HORMAD2: variants seen among roughly 807,000 people sequenced by gnomAD.
HORMAD2 encodes the protein HORMA domain containing 2, also known as HORMA domain-containing protein 2.
Under a neutral mutation model 38.8 loss-of-function variants are expected in HORMAD2, and 45 were observed. The ratio of observed to expected loss-of-function variants is 1.16; its 90% CI spans 0.91 to 1.49. The LOEUF is 1.49. HORMAD2 is among the 40% of genes most tolerant of loss of function. The pLI, the probability that HORMAD2 is intolerant of heterozygous loss-of-function variation, is 0.00. For missense variants in HORMAD2, 338 were observed against 367.0 expected (o/e 0.92, Z 0.65); for synonymous variants, 126 against 122.8 (o/e 1.03, Z -0.17).
chr22:30,115,515 A>G (rs940332644), intron 7 of HORMAD2, among the ~76,000 whole-genome samples: 1 of 152,122 alleles, frequency 6.6e-6, no homozygotes, highest in African/African-American at 2.4e-5. Context: ...TCGTTGTAGG[A>G]TGAAATCCTA....
In HORMAD2 at chr22:30,122,294, C is replaced by T. The variant is rs930574012; in HGVS notation, c.819+80C>T. On this transcript the variant is annotated intron_variant, in intron 10 of 10. Transcript: ENST00000336726. ...TTTCAGTTTCTACCCAGGGCATGCA[C>T]GTGGAGTGTGCCAGCTATAAAAACT... 1.3e-5 allele frequency: 17 copies of T among 1,340,186 alleles called. No homozygotes were observed. The Admixed American group carries it at 3.4e-4, about 27-fold the overall frequency. 83.0% of individuals were successfully genotyped at this position (1,340,186 alleles called of 1,614,324 possible). A position where few individuals can be genotyped will look rare whatever the true frequency, so the allele number is the denominator to read the frequency against.
At chr22:30,109,514 A>G (rs1301926977) in intron 5 of HORMAD2, among the ~76,000 whole-genome samples, 1 of 150,918 alleles carries the variant, frequency 6.6e-6, no homozygotes, top group African/African-American at 2.4e-5. Flanking sequence ...ATGGCATCTT[A>G]CCATGTTTCC....
chr22:30,147,316 A>G (rs1312087524), intron 10 of HORMAD2, among the ~76,000 whole-genome samples: 1 of 152,204 alleles, frequency 6.6e-6, no homozygotes, highest in Non-Finnish European at 1.5e-5. Context: ...GTTCAGAAGT[A>G]GACCCACACG....
chr22:30,147,977 T>G (rs773871823), intron 10 of HORMAD2, among the ~76,000 whole-genome samples: 29 of 152,210 alleles, frequency 1.9e-4, no homozygotes, highest in Non-Finnish European at 2.1e-4. Flanking sequence ...ATGCAGAAAT[T>G]TTCACTCCTA....
At chr22:30,169,476 G>C (rs891778284) in intron 10 of HORMAD2, among the ~76,000 whole-genome samples, 24 of 152,194 alleles carry the variant, frequency 1.6e-4, no homozygotes, top group African/African-American at 5.8e-4. Flanking sequence ...ATCTGATTAT[G>C]AGCCTAAGAA....
chr22:30,185,418 T>C, the HORMAD2 span, among the ~76,000 whole-genome samples: 1 of 152,258 alleles, frequency 6.6e-6, no homozygotes, highest in Non-Finnish European at 1.5e-5. Flanking sequence ...AACTCATTTA[T>C]GATTATAGTA....
intron 3 of HORMAD2, among the ~76,000 whole-genome samples, chr22:30,101,992 TG>T (rs1007937059): frequency 1.3e-5 from 2 of 151,928 alleles, no homozygotes; most frequent in African/African-American, 2.4e-5. Context: ...CATCTGAGCC[TG>T]GGGGGTTAAG....
chr22:30,169,747 A>G (rs542829596), intron 10 of HORMAD2, among the ~76,000 whole-genome samples: 18 of 152,292 alleles, frequency 1.2e-4, no homozygotes, highest in African/African-American at 4.3e-4. Flanking sequence ...TTCTCCATCT[A>G]TCTTCCCCAC....
rs549510761 is a variant in HORMAD2 at position 30,106,770 on chromosome 22, A to G, written c.294+2333A>G. Among the ~76,000 whole-genome samples, 28 of 152,322 alleles carry G rather than the reference A, an allele frequency of 1.8e-4. No individual in the cohort carries two copies. In the East Asian group the frequency reaches 5.0e-3, roughly 27 times the overall value. ...TTTTGGTACCTTAGTTTCTTTGCAT[A>G]TAAGATGGGGATAATAATAGAATCC... On this transcript the variant is annotated intron_variant, in intron 5 of 10. Coordinates refer to ENST00000336726, the MANE Select transcript of HORMAD2 (RefSeq NM_152510.4).
chr22:30,099,085 T>G, intron 3 of HORMAD2, 92 bp downstream of exon 3: 2 of 1,151,412 alleles, frequency 1.7e-6, no homozygotes, highest in Non-Finnish European at 2.4e-6. Flanking sequence ...AGTGTGCTAA[T>G]TCCAACTTAA....
Position 30,176,183 on chromosome 22 carries a change from T to A in HORMAD2, c.*16T>A. The A allele has an allele frequency of 7.0e-7, 1 of 1,431,412 alleles. No homozygotes were observed. The highest frequency in any genetic ancestry group is 2.3e-5 in the East Asian group (1 of 43,944). 88.7% of individuals were successfully genotyped at this position (1,431,412 alleles called of 1,614,324 possible). The stretch of plus-strand genomic sequence containing the variant: ...CAGAAAATGAAAGCTAAATATTCCT[T>A]CTACATTTATTTTAAAATAAGTTTA... On this transcript the variant is annotated 3_prime_UTR_variant, in exon 11 of 11. Coordinates refer to ENST00000336726, the MANE Select transcript of HORMAD2 (RefSeq NM_152510.4).
intron 10 of HORMAD2, among the ~76,000 whole-genome samples, chr22:30,154,112 G>A (rs144688811): frequency 6.6e-5 from 10 of 151,652 alleles, no homozygotes; most frequent in African/African-American, 9.7e-5. Flanking sequence ...TTACTTCCTC[G>A]TCTCTATTTT....
At chr22:30,179,825 T>C (rs1926627044), downstream of HORMAD2, among the ~76,000 whole-genome samples, 1 of 152,216 alleles carries the variant, frequency 6.6e-6, no homozygotes. Flanking sequence ...GGCTTTTTCC[T>C]GTGTTATAAT....
At chr22:30,195,457 T>C in the HORMAD2 span, among the ~76,000 whole-genome samples, 1 of 152,104 alleles carries the variant, frequency 6.6e-6, no homozygotes, top group Non-Finnish European at 1.5e-5. Flanking sequence ...AGAGGGGAAG[T>C]GAGTTGTTCA....
intron 1 of HORMAD2, among the ~76,000 whole-genome samples, chr22:30,092,667 T>C (rs2068711582): frequency 6.6e-6 from 1 of 152,174 alleles, no homozygotes; most frequent in Admixed American, 6.5e-5. Context: ...TTTATTTTTG[T>C]ATATGGTGAG....
chr22:30,098,936 A>G lies in HORMAD2; in HGVS notation c.136A>G (p.Ile46Val), dbSNP rs893771064. ...ACTTTTTGCTACTTCCATCTCATGTATAACATACCTAAGGGGCCTGTTTCC... is the reference window on the plus strand; with the variant it reads ...ACTTTTTGCTACTTCCATCTCATGTGTAACATACCTAAGGGGCCTGTTTCC... ...KKLFATSISC[I>V]TYLRGLFPES... Residue 46 changes from isoleucine to valine, a missense_variant, in exon 3 of 11, where the codon ATA becomes GTA. Transcript: ENST00000336726. 4.3e-6 allele frequency: 7 copies of G among 1,613,450 alleles called. No homozygotes were observed. Among genetic ancestry groups the G allele is most frequent in the Admixed American group, 1.7e-5 (1 of 59,980 alleles).
At chr22:30,186,966 G>C in the HORMAD2 span, among the ~76,000 whole-genome samples, 1 of 152,130 alleles carries the variant, frequency 6.6e-6, no homozygotes, top group African/African-American at 2.4e-5. Flanking sequence ...TGGCCTCTGG[G>C]AAGTAAGAAT....
the HORMAD2 span, among the ~76,000 whole-genome samples, chr22:30,198,023 T>TA: frequency 3.6e-5 from 1 of 28,066 alleles, no homozygotes; most frequent in South Asian, 4.3e-3. Context: ...TAAAAATATA[T>TA]TAAAAAAAAA....
At chr22:30,171,141 G>GATCCTTTTCCCTTCCCAC (rs1160585490) in intron 10 of HORMAD2, among the ~76,000 whole-genome samples, 3 of 152,220 alleles carry the variant, frequency 2.0e-5, no homozygotes, top group East Asian at 3.9e-4. Context: ...GCTATGTCCT[G>GATCCTTTTCCCTTCCCAC]ATCCTTTTCC....
Sources: gnomAD v4.1 joint callset for allele counts (sites outside exome capture counted in the v4.1 genomes callset) on GRCh38, gnomAD v4.1.1 for gene constraint, MANE v1.5 for transcripts, NCBI Gene and HGNC (gene_info 2026-07-23, HGNC 2026-07-21) for gene names.